The following MICALL2 variants were observed in gnomAD, a reference collection of about 807,000 sequenced individuals.
The protein encoded by MICALL2 is MICAL-like protein 2.
Under a neutral mutation model 91.1 loss-of-function variants are expected in MICALL2, and 111 were observed. The observed-to-expected ratio is 1.22, with a 90% CI of 1.04 to 1.43. The LOEUF (loss-of-function observed/expected upper bound fraction) is 1.43. Among genes scored for constraint, MICALL2 ranks in the 40% most tolerant of loss-of-function variants. MICALL2 has a pLI of 0.00. For synonymous variants in MICALL2, 694 were observed against 525.3 expected (o/e 1.32, Z -4.39); for missense variants, 1,556 against 1,236.0 (o/e 1.26, Z -3.88).
Position 1,447,674 on chromosome 7 carries a change from G to T in MICALL2, c.426C>A (p.Pro142=). The change falls in exon 4 of 17, where the codon CCC becomes CCA. Residue 142 remains proline (P), a synonymous_variant. Coordinates refer to ENST00000297508, the MANE Select transcript of MICALL2 (RefSeq NM_182924.4). ...KKAPVQAAKL[P]SPAPARKPPL... is the part of the protein sequence containing the mutation. ...GAGGCTTCCGGGCTGGGGCGGGCGA[G>T]GGCAGCTTGGCCGCCTGGACTGGAG... 1 of 1,585,674 alleles carries T rather than the reference G, an allele frequency of 6.3e-7. No homozygotes were observed.
At chr7:1,435,970 T>C (rs1030999893) in intron 15 of MICALL2, among the ~76,000 whole-genome samples, 2 of 150,778 alleles carry the variant, frequency 1.3e-5, no homozygotes, top group African/African-American at 2.5e-5. Context: ...GAGAATGGCA[T>C]GAACCCTGGA....
chr7:1,437,498 T>C (rs1447860535), intron 14 of MICALL2, 37 bp downstream of exon 14: 11 of 1,498,786 alleles, frequency 7.3e-6, no homozygotes, highest in Non-Finnish European at 7.9e-6. Context: ...GCGGCATCCC[T>C]GGCTGGGGCC....
At chr7:1,434,966 A>AG (rs1214722686) in intron 16 of MICALL2, 135 bp downstream of exon 16, 16 of 954,898 alleles carry the variant, frequency 1.7e-5, no homozygotes, top group African/African-American at 3.3e-5. Context: ...ACCAAGGCTG[A>AG]GGGGGGGACC....
At chr7:1,444,609 CAA>C in intron 6 of MICALL2, 41 bp downstream of exon 6, 2 of 1,574,420 alleles carry the variant, frequency 1.3e-6, no homozygotes, top group South Asian at 1.1e-5. Flanking sequence ...CTGGCTGGTG[CAA>C]AGAGGCCATA....
At chr7:1,443,432 C>G (rs1012548037) in intron 6 of MICALL2, among the ~76,000 whole-genome samples, 2 of 152,186 alleles carry the variant, frequency 1.3e-5, no homozygotes, top group Admixed American at 6.5e-5. Context: ...CGTTGTCAGC[C>G]AGGCTGCGAC....
At chr7:1,458,279 G>A (rs1781091426) in intron 1 of MICALL2, among the ~76,000 whole-genome samples, 1 of 152,204 alleles carries the variant, frequency 6.6e-6, no homozygotes, top group African/African-American at 2.4e-5. Context: ...GCTGCGGCCT[G>A]ACAGAGGCCC....
At chr7:1,442,165 C>A (rs1383647032) in intron 7 of MICALL2, 27 bp downstream of exon 7, 1 of 1,608,578 alleles carries the variant, frequency 6.2e-7, no homozygotes, top group Non-Finnish European at 8.5e-7. Context: ...GCCCCCGGGG[C>A]CTCCTGCCTC....
chr7:1,458,650 A>C (rs1467063040), intron 1 of MICALL2, among the ~76,000 whole-genome samples: 4 of 152,136 alleles, frequency 2.6e-5, no homozygotes, highest in African/African-American at 7.2e-5. Flanking sequence ...GCTGTTCTCC[A>C]TCTCGGGCCC....
At chr7:1,435,177 C>T (rs1157913768) in intron 15 of MICALL2, 30 bp from the exon 16 acceptor site, 8 of 1,611,470 alleles carry the variant, frequency 5.0e-6, no homozygotes, top group Non-Finnish European at 6.8e-6. Context: ...CCATGAGCGA[C>T]AATGGCAATG....
At chr7:1,437,409 C>T (rs1780025943) in intron 14 of MICALL2, 126 bp downstream of exon 14, 12 of 757,534 alleles carry the variant, frequency 1.6e-5, no homozygotes, top group Admixed American at 1.4e-4. Context: ...AACGTGGGCT[C>T]GCCTGGCTCC....
At chr7:1,436,551 C>CAAAAAAAAAAAAAAA (rs59955608) in intron 15 of MICALL2, among the ~76,000 whole-genome samples, 191 bp downstream of exon 15, 2 of 74,484 alleles carry the variant, frequency 2.7e-5, no homozygotes, top group African/African-American at 4.9e-5. Context: ...GACTCTGTCT[C>CAAAAAAAAAAAAAAA]AAAAAAAAAA....
At position 1,447,765 on chromosome 7, in the gene MICALL2, A is replaced by G. The variant is rs202172410; in HGVS notation, c.335T>C (p.Ile112Thr). The G allele has an allele frequency of 1.9e-4, 294 of 1,528,386 alleles. No individual in the cohort carries two copies. The highest frequency in any genetic ancestry group is 5.2e-4 in the Middle Eastern group (3 of 5,722). The allele number at this position is 1,528,386 out of a possible 1,614,324, so 94.7% of individuals were successfully genotyped here. The change falls in exon 4 of 17, where the codon ATT becomes ACT. Residue 112 changes from isoleucine to threonine, a missense_variant and splice_region_variant. By Grantham distance (89) the Ile-to-Thr change is moderately conservative. Transcript: ENST00000297508. ...YYNYFHGRSP[I>T]GGMAGVKRAS... The stretch of plus-strand genomic sequence containing the variant: ...CCTCTTCACGCCTGCCATGCCCCCA[A>G]CTGGAGGAATCAAGCAGGGATCGGG...
chr7:1,442,463 A>G lies in MICALL2; in HGVS notation c.1440T>C (p.Ala480=). ...APGRPSPATA[A]VPSSQPKTEA... ...CAGTTTTGGGCTGAGAACTGGGAAC[A>G]GCGGCAGTGGCTGGGGAGGGCCTAT... Residue 480 remains alanine, a synonymous_variant, in exon 7 of 17, where the codon GCT becomes GCC. Coordinates refer to ENST00000297508, the MANE Select transcript of MICALL2 (RefSeq NM_182924.4). The G allele has an allele frequency of 6.5e-7, 1 of 1,538,798 alleles. No homozygotes were observed. Among genetic ancestry groups the G allele is most frequent in the Admixed American group, 2.0e-5 (1 of 50,764 alleles).
intron 7 of MICALL2, chr7:1,441,559 G>C (rs1415536592): frequency 4.5e-5 from 7 of 154,604 alleles, no homozygotes. Flanking sequence ...AGAGCTCCCA[G>C]CCTAGGAGGC....
chr7:1,446,672 G>A, intron 5 of MICALL2, 41 bp downstream of exon 5: 2 of 1,442,166 alleles, frequency 1.4e-6, no homozygotes, highest in Non-Finnish European at 1.9e-6. Flanking sequence ...TTCTGGGAGG[G>A]GAGGTGCACA....
In MICALL2 at chr7:1,451,837, G is replaced by A. The variant is rs1034304423; in HGVS notation, c.144-1549C>T. On this transcript the variant is annotated intron_variant, in intron 1 of 16. Transcript: ENST00000297508. The surrounding 1 kb of genome is among the most constrained non-coding windows in gnomAD (Gnocchi z 4.5). ...GAGACCCCTGTGGCCACGCAGCCTGGGCGGCCTAGTTCTGAGCCCAGCCTG... is the reference window on the plus strand; with the variant it reads ...GAGACCCCTGTGGCCACGCAGCCTGAGCGGCCTAGTTCTGAGCCCAGCCTG... 1.3e-5 allele frequency among the ~76,000 whole-genome samples: 2 copies of A among 152,204 alleles called. No homozygotes were observed. The highest frequency in any genetic ancestry group is 2.9e-5 in the Non-Finnish European group (2 of 68,036).
chr7:1,446,583 A>T, intron 5 of MICALL2, 130 bp downstream of exon 5: 1 of 438,530 alleles, frequency 2.3e-6, no homozygotes, highest in Non-Finnish European at 4.0e-6. Flanking sequence ...AGGGGGGAGG[A>T]GGGGAGAGGG....
chr7:1,436,936 G>T, intron 14 of MICALL2, 80 bp from the exon 15 acceptor site: 1 of 1,028,086 alleles, frequency 9.7e-7, no homozygotes, highest in African/African-American at 1.7e-5. Context: ...CACCACCCAA[G>T]CGCCAGGCTC....
chr7:1,450,783 GA>G (rs1780796798), intron 1 of MICALL2, among the ~76,000 whole-genome samples: 2 of 152,324 alleles, frequency 1.3e-5, no homozygotes, highest in South Asian at 4.1e-4. Flanking sequence ...CGCTGCCCCC[GA>G]GGGCAGGACA....
Sources: allele counts gnomAD v4.1 joint callset (sites outside exome capture counted in the v4.1 genomes callset), GRCh38; gene constraint gnomAD v4.1.1; non-coding constraint Gnocchi (gnomAD v3.1); transcripts MANE v1.5; gene names NCBI Gene and HGNC (gene_info 2026-07-23, HGNC 2026-07-21).